SLIT3: variants seen among roughly 807,000 people sequenced by gnomAD.
SLIT3 encodes slit homolog 3 protein.
A neutral mutation model predicts 184.0 loss-of-function variants in SLIT3; 68 were observed. That is an observed-to-expected ratio of 0.37 (90% CI 0.30 to 0.45). The LOEUF (loss-of-function observed/expected upper bound fraction) is 0.45. Ranked by LOEUF, SLIT3 falls within the 20% of genes least tolerant of loss-of-function variation. SLIT3 has a pLI of 1.00. For synonymous variants in SLIT3, 831 were observed against 828.6 expected, an observed-to-expected ratio of 1.00 and a Z score of -0.05; for missense variants, 1,707 against 2,026.0, an observed-to-expected ratio of 0.84 and a Z score of 3.02.
At chr5:169,074,602 G>T (rs565679327) in intron 4 of SLIT3, among the ~76,000 whole-genome samples, 2 of 152,234 alleles carry the variant, frequency 1.3e-5, no homozygotes, top group Non-Finnish European at 2.9e-5. Context: ...CCTTTCTGAA[G>T]GTCTCAAGTT....
At chr5:169,252,636 G>A (rs1765815278) in intron 1 of SLIT3, among the ~76,000 whole-genome samples, 1 of 152,252 alleles carries the variant, frequency 6.6e-6, no homozygotes, top group East Asian at 1.9e-4. Context: ...ACTTTTCAGG[G>A]TTTTGGCCCT....
At chr5:169,205,161 G>A (rs550971325) in intron 3 of SLIT3, among the ~76,000 whole-genome samples, 12 of 152,310 alleles carry the variant, frequency 7.9e-5, no homozygotes, top group Non-Finnish European at 1.0e-4. Context: ...CAAAGTCTAT[G>A]AATTATATGC....
At chr5:169,221,528 G>A (rs956867650) in intron 3 of SLIT3, among the ~76,000 whole-genome samples, 3 of 152,188 alleles carry the variant, frequency 2.0e-5, no homozygotes, top group African/African-American at 7.2e-5. Flanking sequence ...TCTACTCAGT[G>A]CACTCAACAG....
At chr5:169,092,906 C>T (rs1053155715) in intron 4 of SLIT3, among the ~76,000 whole-genome samples, 4 of 152,196 alleles carry the variant, frequency 2.6e-5, no homozygotes, top group Non-Finnish European at 5.9e-5. Flanking sequence ...GGGCATAGAA[C>T]TATTATGCTG....
chr5:168,707,595 G>A, intron 26 of SLIT3: 1 of 179,752 alleles, frequency 5.6e-6, no homozygotes, highest in Non-Finnish European at 1.2e-5. Context: ...GCAGGGGCAT[G>A]GTGGGGTGGA....
intron 4 of SLIT3, among the ~76,000 whole-genome samples, chr5:168,992,546 G>C (rs113728671): frequency 1.3e-5 from 2 of 152,196 alleles, no homozygotes; most frequent in African/African-American, 2.4e-5. Context: ...TTTTAAAGCA[G>C]GGGAACCTTC....
intron 4 of SLIT3, among the ~76,000 whole-genome samples, chr5:169,065,839 C>G (rs1024558168): frequency 1.3e-5 from 2 of 152,200 alleles, no homozygotes; most frequent in Admixed American, 6.5e-5. Flanking sequence ...ATGATTCCAT[C>G]AAGGCTACTT....
intron 4 of SLIT3, among the ~76,000 whole-genome samples, chr5:169,122,149 G>A (rs1440283759): frequency 6.6e-6 from 1 of 152,172 alleles, no homozygotes; most frequent in African/African-American, 2.4e-5. Flanking sequence ...ATGTTTAGGT[G>A]TCTCCAGAAA....
At chr5:169,032,922 A>ATTTTTTTTTTTTTT (rs199911562) in intron 4 of SLIT3, among the ~76,000 whole-genome samples, 1 of 88,130 alleles carries the variant, frequency 1.1e-5, no homozygotes. Context: ...TTTTTCCTTG[A>ATTTTTTTTTTTTTT]TTTTTTTTTT....
At chr5:168,890,980 T>C (rs1408154081) in intron 4 of SLIT3, among the ~76,000 whole-genome samples, 1 of 152,250 alleles carries the variant, frequency 6.6e-6, no homozygotes, top group Non-Finnish European at 1.5e-5. Context: ...ACATGCTGTG[T>C]GTCTTTAAGA....
chr5:168,801,589 A>C (rs1756768395), intron 9 of SLIT3, among the ~76,000 whole-genome samples: 2 of 152,206 alleles, frequency 1.3e-5, no homozygotes, highest in African/African-American at 4.8e-5. Flanking sequence ...AAAGTGGAAG[A>C]AGATGGGACT....
intron 4 of SLIT3, among the ~76,000 whole-genome samples, chr5:169,075,993 T>C (rs969605639): frequency 2.6e-5 from 4 of 152,208 alleles, no homozygotes; most frequent in African/African-American, 9.7e-5. Flanking sequence ...CCAGTCTCTT[T>C]GAGAATCTGC....
intron 4 of SLIT3, among the ~76,000 whole-genome samples, chr5:168,941,780 C>T (rs1762341196): frequency 6.6e-6 from 1 of 152,108 alleles, no homozygotes; most frequent in Non-Finnish European, 1.5e-5. Flanking sequence ...TTTCAGAGCC[C>T]CTCTGAACAT....
intron 4 of SLIT3, among the ~76,000 whole-genome samples, chr5:168,974,883 T>C (rs959708202): frequency 2.6e-5 from 4 of 152,176 alleles, no homozygotes; most frequent in Non-Finnish European, 5.9e-5. Flanking sequence ...CTTCCACATA[T>C]TAGCACACCC....
At chr5:169,240,313 G>A (rs897117566) in intron 3 of SLIT3, among the ~76,000 whole-genome samples, 4 of 150,790 alleles carry the variant, frequency 2.7e-5, no homozygotes, top group Non-Finnish European at 4.4e-5. Context: ...GTACCTCCTT[G>A]TTCTATTAAT....
Position 168,762,399 on chromosome 5 carries a change from G to A in SLIT3, c.1610+140C>T, listed in dbSNP as rs563816609. 496 of 810,532 alleles carry A rather than the reference G, an allele frequency of 6.1e-4. 2 individuals carry two copies. In the African/African-American group the frequency reaches 7.6e-3, roughly 12 times the overall value. 50.2% of individuals were successfully genotyped at this position (810,532 alleles called of 1,614,324 possible). ...GGAGATGCCTGGGTATCTACCTTCAGACCAGTATGTGAAAGACAGCCAACA... is the reference window on the plus strand; with the variant it reads ...GGAGATGCCTGGGTATCTACCTTCAAACCAGTATGTGAAAGACAGCCAACA... On this transcript the variant is annotated intron_variant, in intron 15 of 35. Transcript: ENST00000519560.
chr5:168,861,907 A>T (rs1253306925), intron 5 of SLIT3, among the ~76,000 whole-genome samples: 1 of 152,192 alleles, frequency 6.6e-6, no homozygotes, highest in Non-Finnish European at 1.5e-5. Flanking sequence ...ACCTTGGTGT[A>T]TTGGTGTGCA....
At chr5:168,765,944 G>C (rs1755330914) in intron 14 of SLIT3, among the ~76,000 whole-genome samples, 1 of 152,138 alleles carries the variant, frequency 6.6e-6, no homozygotes, top group South Asian at 2.1e-4. Context: ...GGGGTAGGAG[G>C]TGGAAATTAC....
At chr5:168,730,378 C>G (rs1026554909) in intron 20 of SLIT3, among the ~76,000 whole-genome samples, 8 of 152,098 alleles carry the variant, frequency 5.3e-5, no homozygotes, top group African/African-American at 1.9e-4. Context: ...GCCAAATGGA[C>G]TTAATAGACA....
Sources: gnomAD v4.1 joint callset for allele counts (sites outside exome capture counted in the v4.1 genomes callset) on GRCh38, gnomAD v4.1.1 for gene constraint, MANE v1.5 for transcripts, NCBI Gene and HGNC (gene_info 2026-07-23, HGNC 2026-07-21) for gene names.